DNAH9: variants seen among roughly 807,000 people sequenced by gnomAD.
The protein encoded by DNAH9 is dynein axonemal heavy chain 9, also known as DNAH9 variant protein.
DNAH9 carries 345 observed loss-of-function variants against 471.6 expected under a neutral mutation model. That is an observed-to-expected ratio of 0.73 (90% CI 0.67 to 0.80). DNAH9 has a LOEUF of 0.80. Ranked by LOEUF, DNAH9 falls within the 30% of genes least tolerant of loss-of-function variation. DNAH9 has a pLI of 0.00. For synonymous variants in DNAH9, 2,093 were observed against 2,123.6 expected (o/e 0.99, Z 0.40); for missense variants, 5,407 against 5,609.2 (o/e 0.96, Z 1.15).
At position 11,961,864 on chromosome 17, in the gene DNAH9, C is replaced by T; in HGVS notation, c.12844-3C>T. ...CTTTCCCCCTCCCATTCTTTATCTT[C>T]AGGGGGAGCTGACTATGACCAGCCA... is the stretch of plus-strand genomic sequence containing the variant. On this transcript the variant is annotated splice_region_variant and splice_polypyrimidine_tract_variant and intron_variant, in intron 67 of 68. Coordinates refer to ENST00000262442, the MANE Select transcript of DNAH9 (RefSeq NM_001372.4). 1 of 1,594,046 alleles carries T rather than the reference C, an allele frequency of 6.3e-7. No individual in the cohort carries two copies. The highest frequency in any genetic ancestry group is 1.3e-5 in the African/African-American group (1 of 74,442).
chr17:11,692,920 C>T (rs768365192), intron 20 of DNAH9, among the ~76,000 whole-genome samples: 1 of 151,938 alleles, frequency 6.6e-6, no homozygotes, highest in Non-Finnish European at 1.5e-5. Context: ...TTGTTATTGT[C>T]GTTGAGATGG....
At chr17:11,881,561 C>A in intron 55 of DNAH9, 148 bp downstream of exon 55, 2 of 732,144 alleles carry the variant, frequency 2.7e-6, no homozygotes, top group Non-Finnish European at 4.3e-6. Context: ...ATGTAGCAAC[C>A]TGGGAATACC....
chr17:11,798,365 C>T (rs532012732), intron 43 of DNAH9, among the ~76,000 whole-genome samples: 5 of 147,850 alleles, frequency 3.4e-5, no homozygotes, highest in Non-Finnish European at 7.4e-5. Context: ...CCTGGGAGGC[C>T]CAGGTTGCAG....
At chr17:11,830,905 C>T (rs1483987114) in intron 48 of DNAH9, among the ~76,000 whole-genome samples, 1 of 152,050 alleles carries the variant, frequency 6.6e-6, no homozygotes. Context: ...CTGGAATAAG[C>T]CCCACTGAAA....
chr17:11,665,075 CGTT>C lies in DNAH9; in HGVS notation c.2731+110_2731+112del, dbSNP rs1567702014. On this transcript the variant is annotated intron_variant, in intron 15 of 68. Transcript: ENST00000262442. ...GAGTGCTCTGTGACTTTTCCCAAAACGTTGTAGACCTTTTGTGAATGATGCACA... is the reference window on the plus strand; with the variant it reads ...GAGTGCTCTGTGACTTTTCCCAAAACGTAGACCTTTTGTGAATGATGCACA... 1.7e-5 allele frequency: 16 copies of C among 942,346 alleles called. No individual in the cohort carries two copies. In the Admixed American group the frequency reaches 3.7e-4, roughly 22 times the overall value. The allele number at this position is 942,346 out of a possible 1,614,324, so 58.4% of individuals were successfully genotyped here. A position where few individuals can be genotyped will look rare whatever the true frequency, so the allele number is the denominator to read the frequency against.
At position 11,676,275 on chromosome 17, in the gene DNAH9, C is replaced by CTTT. The variant is rs67397847; in HGVS notation, c.3354-3460_3354-3458dup. On this transcript the variant is annotated intron_variant, in intron 17 of 68. Transcript: ENST00000262442. ...GTGTCTCCCTCTTTTCATTTCTGTT[C>CTTT]TTTTTTTTTTTTTTTTTTTTTTTTG... Among the ~76,000 whole-genome samples, 115 of 73,854 alleles carry CTTT rather than the reference C, an allele frequency of 1.6e-3. 1 individual carries two copies. Among genetic ancestry groups the CTTT allele is most frequent in the African/African-American group, 2.7e-3 (57 of 20,780 alleles). 48.5% of individuals were successfully genotyped at this position (73,854 alleles called of 152,430 possible).
intron 61 of DNAH9, among the ~76,000 whole-genome samples, chr17:11,919,216 C>T (rs909490805): frequency 6.6e-6 from 1 of 151,898 alleles, no homozygotes; most frequent in Non-Finnish European, 1.5e-5. Flanking sequence ...GGGTTCATGG[C>T]GGGGCGCAGT....
chr17:11,768,111 G>A (rs1968043327), intron 36 of DNAH9, among the ~76,000 whole-genome samples: 1 of 152,124 alleles, frequency 6.6e-6, no homozygotes, highest in Admixed American at 6.5e-5. Flanking sequence ...GAAGAATGGG[G>A]CCAATCTACC....
At position 11,640,301 on chromosome 17, in the gene DNAH9, C is replaced by T. The variant is rs765985238; in HGVS notation, c.1818C>T (p.Thr606=). 28 of 1,613,776 alleles carry T rather than the reference C, an allele frequency of 1.7e-5. No individual in the cohort carries two copies. The highest frequency in any genetic ancestry group is 1.6e-4 in the East Asian group (7 of 44,878). ...CCCCGGTGCACAAGAACATGCCCAC[C>T]GTGGCTGGCGGCCTCCGCTGGGCAC... The part of the protein sequence containing the change: ...GFSPVHKNMP[T]VAGGLRWAQE... Residue 606 remains threonine, a synonymous_variant, in exon 10 of 69, where the codon ACC becomes ACT. Coordinates refer to ENST00000262442, the MANE Select transcript of DNAH9 (RefSeq NM_001372.4).
intron 28 of DNAH9, among the ~76,000 whole-genome samples, chr17:11,738,332 C>T (rs914848064): frequency 6.6e-6 from 1 of 152,214 alleles, no homozygotes; most frequent in African/African-American, 2.4e-5. Flanking sequence ...TGTTCCCTCC[C>T]ATGCTCTTAG....
chr17:11,681,073 A>G (rs753105106), intron 19 of DNAH9, among the ~76,000 whole-genome samples, 184 bp downstream of exon 19: 1 of 152,188 alleles, frequency 6.6e-6, no homozygotes, highest in African/African-American at 2.4e-5. Context: ...CATGACCTGT[A>G]TGAAAAGGCC....
chr17:11,619,411 T>A (rs2072808403), intron 5 of DNAH9, 137 bp from the exon 6 acceptor site: 1 of 655,452 alleles, frequency 1.5e-6, no homozygotes, highest in African/African-American at 1.8e-5. Flanking sequence ...ACATGTGGAA[T>A]GGAAAGCGAG....
intron 45 of DNAH9, among the ~76,000 whole-genome samples, chr17:11,821,286 C>CAA (rs58010981): frequency 8.1e-6 from 1 of 123,868 alleles, no homozygotes; most frequent in Non-Finnish European, 1.7e-5. Flanking sequence ...AACTCTATCT[C>CAA]AAAAAAAAAA....
intron 49 of DNAH9, among the ~76,000 whole-genome samples, chr17:11,847,841 T>G (rs77982352): frequency 3.4e-4 from 52 of 152,274 alleles, no homozygotes; most frequent in Non-Finnish European, 3.8e-4. Flanking sequence ...TTGTGACCTT[T>G]GGCCATGCTG....
At chr17:11,685,770 G>T (rs192599785) in intron 19 of DNAH9, among the ~76,000 whole-genome samples, 1 of 151,846 alleles carries the variant, frequency 6.6e-6, no homozygotes, top group African/African-American at 2.4e-5. Flanking sequence ...TGGAAGGACT[G>T]CGCCTCACAA....
At chr17:11,754,405 G>A (rs924229255) in intron 33 of DNAH9, among the ~76,000 whole-genome samples, 9 of 152,166 alleles carry the variant, frequency 5.9e-5, no homozygotes, top group Non-Finnish European at 7.4e-5. Context: ...GCACCATACC[G>A]CTTTCCACAA....
intron 33 of DNAH9, among the ~76,000 whole-genome samples, 200 bp from the exon 34 acceptor site, chr17:11,756,368 C>A (rs1967388086): frequency 6.6e-6 from 1 of 152,044 alleles, no homozygotes; most frequent in Non-Finnish European, 1.5e-5. Context: ...AATTGTCTCC[C>A]ACTGGGTCCC....
At chr17:11,866,561 A>C (rs1972063412) in intron 50 of DNAH9, among the ~76,000 whole-genome samples, 1 of 152,012 alleles carries the variant, frequency 6.6e-6, no homozygotes, top group Admixed American at 6.5e-5. Flanking sequence ...TGTCAGACAG[A>C]GACATTTAAG....
chr17:11,838,222 A>AT (rs1201483072), intron 49 of DNAH9, among the ~76,000 whole-genome samples: 7 of 152,200 alleles, frequency 4.6e-5, no homozygotes, highest in African/African-American at 1.7e-4. Flanking sequence ...AAGTAGCAGC[A>AT]TAAGCATGTT....
Sources: gnomAD v4.1 joint callset for allele counts (sites outside exome capture counted in the v4.1 genomes callset) on GRCh38, gnomAD v4.1.1 for gene constraint, MANE v1.5 for transcripts, NCBI Gene and HGNC (gene_info 2026-07-23, HGNC 2026-07-21) for gene names.